The following TRPM1 variants were observed in gnomAD, a reference collection of about 807,000 sequenced individuals.
The protein encoded by TRPM1 is transient receptor potential cation channel subfamily M member 1.
In TRPM1, 113 loss-of-function variants were observed where a neutral mutation model predicts 149.4. That is an observed-to-expected ratio of 0.76 (90% confidence interval 0.65 to 0.88). The LOEUF (loss-of-function observed/expected upper bound fraction) is 0.88, where lower values mean the gene tolerates loss of function less well. TRPM1 is among the 40% of genes least tolerant of loss of function. TRPM1 has a pLI of 0.00. For synonymous variants in TRPM1, 741 were observed against 759.5 expected (o/e 0.98, Z 0.40); for missense variants, 1,976 against 2,038.7 (o/e 0.97, Z 0.59).
intron 1 of TRPM1, among the ~76,000 whole-genome samples, chr15:31,157,536 C>CA (rs572094178): frequency 9.9e-5 from 15 of 151,890 alleles, no homozygotes; most frequent in South Asian, 2.1e-4. Flanking sequence ...TTAGCAACAA[C>CA]AAAAAAAATG....
chr15:31,134,577 C>G (rs754842306), intron 1 of TRPM1, among the ~76,000 whole-genome samples: 19 of 152,174 alleles, frequency 1.2e-4, no homozygotes, highest in Non-Finnish European at 2.4e-4. Flanking sequence ...CAAACCTAAC[C>G]TCTGGTTTTC....
At chr15:31,102,889 C>T (rs1283734369), upstream of TRPM1, among the ~76,000 whole-genome samples, 2 of 152,218 alleles carry the variant, frequency 1.3e-5, no homozygotes, top group African/African-American at 2.4e-5. Context: ...GCCTGGCTCC[C>T]GAGTCTTCTT....
intron 1 of TRPM1, among the ~76,000 whole-genome samples, chr15:31,157,036 C>T (rs2036387624): frequency 1.3e-5 from 2 of 151,650 alleles, no homozygotes; most frequent in African/African-American, 4.9e-5. Context: ...CCTCAGCCTC[C>T]TAATACCTGG....
At chr15:31,100,316 C>G (rs2035486006) in intron 1 of TRPM1, among the ~76,000 whole-genome samples, 1 of 152,024 alleles carries the variant, frequency 6.6e-6, no homozygotes, top group Non-Finnish European at 1.5e-5. Flanking sequence ...ACCTCGTGAT[C>G]TGCCTGCCTC....
At chr15:31,113,281 G>A (rs1023179151) in intron 1 of TRPM1, among the ~76,000 whole-genome samples, 3 of 152,154 alleles carry the variant, frequency 2.0e-5, no homozygotes, top group African/African-American at 7.2e-5. Context: ...GATTCTGCCT[G>A]CTCCTCCCTA....
chr15:31,063,678 C>A (rs535044351), intron 7 of TRPM1, among the ~76,000 whole-genome samples: 1 of 152,206 alleles, frequency 6.6e-6, no homozygotes, highest in African/African-American at 2.4e-5. Context: ...GTCTCAAACA[C>A]CTGGGCTCAA....
chr15:31,051,404 G>T lies in TRPM1; in HGVS notation c.1264-822C>A, dbSNP rs1274484573. On this transcript the variant is annotated intron_variant, in intron 11 of 27. Transcript: ENST00000256552. ...TCCTCTCTTCCTATCTCTCCTGCAC[G>T]CACCCTGCTGCTTCTTCCATCTGTC... is the stretch of plus-strand genomic sequence containing the variant. Among the ~76,000 whole-genome samples the T allele has an allele frequency of 2.6e-5, 4 of 152,176 alleles. No individual in the cohort carries two copies. In the East Asian group the frequency reaches 7.7e-4, roughly 29 times the overall value.
At chr15:31,145,924 AAAAAAC>A (rs1308711016) in intron 1 of TRPM1, among the ~76,000 whole-genome samples, 3 of 152,030 alleles carry the variant, frequency 2.0e-5, no homozygotes, top group African/African-American at 4.8e-5. Context: ...AGATACAAAA[AAAAAAC>A]AAAAACAAAA....
At position 31,002,861 on chromosome 15, in the gene TRPM1, A is replaced by G. The variant is rs1465812950; in HGVS notation, c.3839T>C (p.Leu1280Pro). The G allele has an allele frequency of 6.2e-7, 1 of 1,614,236 alleles. No individual in the cohort carries two copies. The highest frequency in any genetic ancestry group is 1.7e-5 in the Admixed American group (1 of 60,026). The change falls in exon 28 of 28, where the codon CTT becomes CCT. Residue 1280 changes from leucine to proline, a missense_variant. By Grantham distance (98) the Leu-to-Pro change is moderately conservative. Transcript: ENST00000256552. ...RASSECEATY[L>P]LRQSSINSAD... ...GCTATTGATGCTGCTTTGCCGGAGA[A>G]GATACGTTGCCTCACATTCAGAAGA...
At chr15:31,097,554 G>A (rs946398632) in intron 1 of TRPM1, among the ~76,000 whole-genome samples, 1 of 152,142 alleles carries the variant, frequency 6.6e-6, no homozygotes, top group South Asian at 2.1e-4. Context: ...TGAAAAATTG[G>A]AAACCTCCAC....
In TRPM1 at chr15:31,027,093, T is replaced by G; in HGVS notation, c.3318A>C (p.Ser1106=). Residue 1106 remains serine, a synonymous_variant, in exon 26 of 28, where the codon TCA becomes TCC. Transcript: ENST00000256552. ...GGAACTTCCACACCTGGTTGGATAT[T>G]GATTTTACTTCAAAGAAGGTATTGC... The part of the protein sequence containing the change: ...VFNNTFFEVK[S]ISNQVWKFQR... The G allele has an allele frequency of 1.2e-6, 2 of 1,614,188 alleles. No homozygotes were observed. The highest frequency in any genetic ancestry group is 2.2e-5 in the East Asian group (1 of 44,890).
In TRPM1 at chr15:31,076,952, G is replaced by T; in HGVS notation, c.36C>A (p.Cys12Ter). The T allele has an allele frequency of 6.2e-7, 1 of 1,612,658 alleles. No homozygotes were observed. Among genetic ancestry groups the T allele is most frequent in the African/African-American group, 1.3e-5 (1 of 75,012 alleles). ...GQKSWIEKTF[C>*]KRECIFVIPS... ...GAATTACAAAGATACATTCCCGTTTGCAAAAGGTTTTCTCTATCCAAGATT... is the reference window on the plus strand; with the variant it reads ...GAATTACAAAGATACATTCCCGTTTTCAAAAGGTTTTCTCTATCCAAGATT... Residue 12 changes from cysteine (C) to a stop codon, truncating the protein, a stop_gained, in exon 3 of 28, where the codon TGC (cysteine) becomes TGA (stop). Coordinates refer to ENST00000256552, the MANE Select transcript of TRPM1 (RefSeq NM_001252024.2). LOFTEE classifies it high-confidence loss of function.
intron 20 of TRPM1, among the ~76,000 whole-genome samples, chr15:31,036,776 G>A (rs2033397886): frequency 1.3e-5 from 2 of 152,172 alleles, no homozygotes; most frequent in Admixed American, 6.5e-5. Flanking sequence ...CAGTGACTTC[G>A]ACTGTATCAT....
chr15:31,140,370 A>T (rs2036145801), intron 1 of TRPM1, among the ~76,000 whole-genome samples: 1 of 147,724 alleles, frequency 6.8e-6, no homozygotes, highest in Non-Finnish European at 1.5e-5. Flanking sequence ...CAGAGAGAGA[A>T]TCCGTCTAAA....
chr15:31,154,938 A>G (rs1359139513), intron 1 of TRPM1, among the ~76,000 whole-genome samples: 1 of 151,926 alleles, frequency 6.6e-6, no homozygotes, highest in African/African-American at 2.4e-5. Flanking sequence ...CCCACCCACC[A>G]AGTTATCCAT....
chr15:31,033,022 T>C, intron 21 of TRPM1, 82 bp from the exon 22 acceptor site: 2 of 1,589,956 alleles, frequency 1.3e-6, no homozygotes, highest in South Asian at 2.2e-5. Context: ...ATAAGACTGA[T>C]GGAACATTCC....
Position 31,040,295 on chromosome 15 carries a change from G to A in TRPM1, c.2139C>T (p.Asp713=), listed in dbSNP as rs371439326. The A allele has an allele frequency of 1.2e-5, 20 of 1,614,092 alleles. No homozygotes were observed. In the African/African-American group the frequency reaches 1.6e-4, roughly 13 times the overall value. ...TCAGGAGTTTCATAGCGATCTGCTC[G>A]TCATGCTTATAGGACTGGTCTAATA... ...LELLDQSYKH[D]EQIAMKLLTY... The change falls in exon 18 of 28, where the codon GAC becomes GAT. Residue 713 remains aspartate, a synonymous_variant. Coordinates refer to ENST00000256552, the MANE Select transcript of TRPM1 (RefSeq NM_001252024.2). The surrounding 1 kb of genome is among the most constrained non-coding windows in gnomAD (Gnocchi z 4.2).
At position 31,039,897 on chromosome 15, in the gene TRPM1, G is replaced by A. The variant is rs192733514; in HGVS notation, c.2316+221C>T. ...GGCTCTGGAGTTAGAGCACCTGAGTGTAGGTTCTGATCCCATGCTGACCAG... is the reference window on the plus strand; with the variant it reads ...GGCTCTGGAGTTAGAGCACCTGAGTATAGGTTCTGATCCCATGCTGACCAG... On this transcript the variant is annotated intron_variant, in intron 18 of 27. Coordinates refer to ENST00000256552, the MANE Select transcript of TRPM1 (RefSeq NM_001252024.2). Among the ~76,000 whole-genome samples, 19 of 152,292 alleles carry A rather than the reference G, an allele frequency of 1.2e-4. No individual in the cohort carries two copies. In the East Asian group the frequency reaches 2.9e-3, roughly 23 times the overall value.
At chr15:31,020,108 T>C (rs1322933289) in intron 27 of TRPM1, among the ~76,000 whole-genome samples, 1 of 152,272 alleles carries the variant, frequency 6.6e-6, no homozygotes, top group Non-Finnish European at 1.5e-5. Context: ...CCTGGGTTTA[T>C]AGAATTCAAG....
Sources: allele counts gnomAD v4.1 joint callset (sites outside exome capture counted in the v4.1 genomes callset), GRCh38; gene constraint gnomAD v4.1.1; non-coding constraint Gnocchi (gnomAD v3.1); transcripts MANE v1.5; gene names NCBI Gene and HGNC (gene_info 2026-07-23, HGNC 2026-07-21).